Variants in SERINC5 observed in about 807,000 individuals in gnomAD.
The protein encoded by SERINC5 is serine incorporator 5, also known as chromosome 5 open reading frame 12.
A neutral mutation model predicts 63.1 loss-of-function variants in SERINC5; 41 were observed. That is an observed-to-expected ratio of 0.65 (90% CI 0.51 to 0.84). SERINC5 has a LOEUF of 0.84. Among genes scored for constraint, SERINC5 ranks in the 40% least tolerant of loss-of-function variants. SERINC5 has a pLI of 0.00. For synonymous variants in SERINC5, 222 were observed against 215.2 expected (o/e 1.03, Z -0.28); for missense variants, 523 against 573.0 (o/e 0.91, Z 0.89).
intron 11 of SERINC5, among the ~76,000 whole-genome samples, chr5:80,144,677 C>G (rs1264959431): frequency 1.3e-5 from 2 of 152,132 alleles, no homozygotes; most frequent in East Asian, 3.9e-4. Flanking sequence ...ACCACTCCCA[C>G]CACCCCTACC....
chr5:80,162,857 G>A (rs568412996), intron 7 of SERINC5, among the ~76,000 whole-genome samples: 3 of 137,036 alleles, frequency 2.2e-5, no homozygotes, highest in African/African-American at 8.8e-5. Context: ...TTTTTTTTTT[G>A]AGGCGGAGTT....
intron 11 of SERINC5, among the ~76,000 whole-genome samples, chr5:80,119,766 CT>C (rs2112230441): frequency 6.6e-6 from 1 of 152,310 alleles, no homozygotes; most frequent in Non-Finnish European, 1.5e-5. Flanking sequence ...ACCCAGAGAG[CT>C]TGTTTAAATG....
At chr5:80,243,660 C>T (rs1045537865) in intron 1 of SERINC5, among the ~76,000 whole-genome samples, 4 of 151,864 alleles carry the variant, frequency 2.6e-5, no homozygotes, top group Non-Finnish European at 5.9e-5. Context: ...AATTCTAACA[C>T]TTTGAGAGGC....
intron 8 of SERINC5, among the ~76,000 whole-genome samples, chr5:80,156,417 C>T (rs1034428683): frequency 3.3e-5 from 5 of 152,142 alleles, no homozygotes; most frequent in Non-Finnish European, 7.4e-5. Flanking sequence ...TAAAGCTGAC[C>T]CCTCGAAGAG....
intron 1 of SERINC5, among the ~76,000 whole-genome samples, chr5:80,236,021 C>T (rs951026618): frequency 2.0e-5 from 3 of 151,928 alleles, no homozygotes; most frequent in Admixed American, 6.6e-5. Context: ...TAATGGACTC[C>T]TTTTTAACCC....
intron 6 of SERINC5, 117 bp downstream of exon 6, chr5:80,169,218 T>G: frequency 3.8e-6 from 3 of 794,838 alleles, no homozygotes; most frequent in Non-Finnish European, 6.1e-6. Context: ...ACATCCACAG[T>G]AAGTTAAGGA....
chr5:80,212,665 T>TGGGG (rs752075084), intron 1 of SERINC5, among the ~76,000 whole-genome samples: 1,394 of 49,786 alleles, frequency 0.028, 19 homozygotes, highest in African/African-American at 0.053. Context: ...AGTGGTGGGG[T>TGGGG]GGGGGGGGGG....
chr5:80,194,946 G>A (rs149400790), intron 2 of SERINC5, among the ~76,000 whole-genome samples: 5 of 152,144 alleles, frequency 3.3e-5, no homozygotes, highest in East Asian at 1.9e-4. Flanking sequence ...CCTGTCAAAC[G>A]ACAGGTTTGT....
chr5:80,171,917 A>T (rs1268304467), intron 5 of SERINC5, among the ~76,000 whole-genome samples: 1 of 152,064 alleles, frequency 6.6e-6, no homozygotes, highest in Non-Finnish European at 1.5e-5. Flanking sequence ...GGAAAGAAAG[A>T]AAAAGATGAT....
chr5:80,249,933 C>T (rs2112613233), intron 1 of SERINC5, among the ~76,000 whole-genome samples: 1 of 152,250 alleles, frequency 6.6e-6, no homozygotes, highest in East Asian at 1.9e-4. Flanking sequence ...CCACATTGTT[C>T]AAAAAAGTAT....
rs963883523 is a variant in SERINC5, at chr5:80,141,564, A to G, written c.*2099T>C. ...GAGGAAAACAATGAAACTAGTCACA[A>G]TACTGCCCAGGCTCTTTACCTGCTT... On this transcript the variant is annotated 3_prime_UTR_variant, in exon 12 of 12. Coordinates refer to ENST00000507668, the MANE Select transcript of SERINC5 (RefSeq NM_001174072.3). 6 of 985,324 alleles carry G rather than the reference A, an allele frequency of 6.1e-6. No homozygotes were observed. In the South Asian group the frequency reaches 2.4e-4, roughly 39 times the overall value. The allele number at this position is 985,324 out of a possible 1,614,324, so 61.0% of individuals were successfully genotyped here. A position where few individuals can be genotyped will look rare whatever the true frequency, so the allele number is the denominator to read the frequency against.
Position 80,175,029 on chromosome 5 carries a change from G to C in SERINC5, c.476C>G (p.Ala159Gly). ...GCCAATGAAGAGGAAGCCTCCGACG[G>C]CTCCCACATAGCGCCAGGCTGCAAA... is the stretch of plus-strand genomic sequence containing the variant. ...TFLNAWRYVG[A>G]VGGFLFIGIQ... Residue 159 changes from alanine to glycine, a missense_variant, in exon 5 of 12, where the codon GCC becomes GGC. Coordinates refer to ENST00000507668, the MANE Select transcript of SERINC5 (RefSeq NM_001174072.3). 1 of 1,597,090 alleles carries C rather than the reference G, an allele frequency of 6.3e-7. No individual in the cohort carries two copies. The highest frequency in any genetic ancestry group is 1.1e-5 in the South Asian group (1 of 88,096).
At position 80,241,188 on chromosome 5, in the gene SERINC5, A is replaced by G. The variant is rs1469902621; in HGVS notation, c.27+14708T>C. ...GAACATCTTAAGAAATAAAAAGGCA[A>G]GGCTGGGCACAGTGGCTCACACCTG... On this transcript the variant is annotated intron_variant, in intron 1 of 11. Coordinates refer to ENST00000507668, the MANE Select transcript of SERINC5 (RefSeq NM_001174072.3). 3.3e-5 allele frequency among the ~76,000 whole-genome samples: 5 copies of G among 152,094 alleles called. No individual in the cohort carries two copies. In the East Asian group the frequency reaches 9.6e-4, roughly 29 times the overall value.
chr5:80,234,890 C>T (rs191124628), intron 1 of SERINC5, among the ~76,000 whole-genome samples: 1 of 152,178 alleles, frequency 6.6e-6, no homozygotes, highest in Non-Finnish European at 1.5e-5. Context: ...ATCTTGGCTA[C>T]CTGTTCCTCA....
intron 1 of SERINC5, among the ~76,000 whole-genome samples, chr5:80,251,310 A>G (rs972966006): frequency 5.6e-5 from 8 of 141,790 alleles, no homozygotes; most frequent in East Asian, 3.9e-4. Context: ...ATACATACAT[A>G]CATACATACA....
chr5:80,239,154 A>G (rs1751841421), intron 1 of SERINC5, among the ~76,000 whole-genome samples: 2 of 152,194 alleles, frequency 1.3e-5, no homozygotes, highest in Admixed American at 6.5e-5. Flanking sequence ...GTGACTTCCC[A>G]GATTCTCACA....
chr5:80,161,033 C>CGT (rs1247019339), intron 7 of SERINC5, among the ~76,000 whole-genome samples: 3 of 115,976 alleles, frequency 2.6e-5, no homozygotes, highest in Admixed American at 2.5e-4. Flanking sequence ...TATATACACA[C>CGT]GTGTATATAT....
At chr5:80,122,326 A>G (rs1744583462) in intron 11 of SERINC5, among the ~76,000 whole-genome samples, 1 of 151,960 alleles carries the variant, frequency 6.6e-6, no homozygotes, top group Non-Finnish European at 1.5e-5. Context: ...CACGGGAGAA[A>G]GATGTAGAGT....
intron 2 of SERINC5, among the ~76,000 whole-genome samples, chr5:80,194,269 G>A (rs1749366893): frequency 6.6e-6 from 1 of 152,142 alleles, no homozygotes; most frequent in Non-Finnish European, 1.5e-5. Flanking sequence ...AGAATGGAGA[G>A]AGTTCTACTT....
Sources: allele counts gnomAD v4.1 joint callset (sites outside exome capture counted in the v4.1 genomes callset), GRCh38; gene constraint gnomAD v4.1.1; transcripts MANE v1.5; gene names NCBI Gene and HGNC (gene_info 2026-07-23, HGNC 2026-07-21).